Variants in ADGRB3 observed in about 807,000 individuals in gnomAD.
ADGRB3 encodes brain-specific angiogenesis inhibitor 3.
Under a neutral mutation model 193.4 loss-of-function variants are expected in ADGRB3, and 37 were observed. The ratio of observed to expected loss-of-function variants is 0.19; its 90% CI spans 0.15 to 0.25. The LOEUF (loss-of-function observed/expected upper bound fraction) is 0.25. ADGRB3 is among the 10% of genes least tolerant of loss of function. The pLI is 1.00. For missense variants in ADGRB3, 1,637 were observed against 1,852.9 expected, an observed-to-expected ratio of 0.88 and a Z score of 2.14; for synonymous variants, 690 against 644.2, an observed-to-expected ratio of 1.07 and a Z score of -1.08.
At chr6:69,358,426 A>G (rs1769378654) in intron 28 of ADGRB3, among the ~76,000 whole-genome samples, 1 of 151,680 alleles carries the variant, frequency 6.6e-6, no homozygotes, top group Non-Finnish European at 1.5e-5. Context: ...TAAATTACAG[A>G]TTTTTCCCGG....
At chr6:69,311,720 G>A (rs753202381) in intron 20 of ADGRB3, among the ~76,000 whole-genome samples, 1 of 151,444 alleles carries the variant, frequency 6.6e-6, no homozygotes, top group Non-Finnish European at 1.5e-5. Flanking sequence ...AATCAAGAGG[G>A]GACCCTTCTT....
At chr6:69,159,879 A>G (rs1186749702) in intron 17 of ADGRB3, among the ~76,000 whole-genome samples, 2 of 152,134 alleles carry the variant, frequency 1.3e-5, no homozygotes, top group African/African-American at 4.8e-5. Flanking sequence ...TATAATGCAC[A>G]CATTCTTTCC....
chr6:68,720,393 T>G (rs915421677), intron 3 of ADGRB3, among the ~76,000 whole-genome samples: 1 of 151,768 alleles, frequency 6.6e-6, no homozygotes, highest in African/African-American at 2.4e-5. Flanking sequence ...AATTGTATTT[T>G]TTTCTTATGA....
chr6:69,222,861 A>G (rs1178933655), intron 17 of ADGRB3, among the ~76,000 whole-genome samples: 1 of 152,162 alleles, frequency 6.6e-6, no homozygotes, highest in Non-Finnish European at 1.5e-5. Flanking sequence ...AATGAGTGAT[A>G]TTGGGATTGT....
At chr6:68,728,018 T>A (rs1314181029) in intron 3 of ADGRB3, among the ~76,000 whole-genome samples, 1 of 151,574 alleles carries the variant, frequency 6.6e-6, no homozygotes, top group African/African-American at 2.4e-5. Context: ...TTTTATTTTA[T>A]CTAGGCATTT....
At chr6:68,783,901 C>A (rs1451107801) in intron 3 of ADGRB3, among the ~76,000 whole-genome samples, 2 of 151,928 alleles carry the variant, frequency 1.3e-5, no homozygotes, top group Non-Finnish European at 2.9e-5. Flanking sequence ...TAAATGTTAC[C>A]TTCGTGTAGT....
intron 17 of ADGRB3, among the ~76,000 whole-genome samples, chr6:69,088,237 A>T (rs538662275): frequency 1.3e-5 from 2 of 152,228 alleles, no homozygotes; most frequent in South Asian, 4.1e-4. Flanking sequence ...CCTTGTCTTT[A>T]TTGACACATA....
chr6:68,943,842 G>A lies in ADGRB3; in HGVS notation c.1043G>A (p.Trp348Ter). ...NTALCPVHGV[W>*]EEWSPWSLCS... ...TGCTTTATTACAGTACACGGAGTAT[G>A]GGAGGAATGGTCACCATGGAGTTTA... Residue 348 changes from tryptophan to a stop codon, truncating the protein, a stop_gained, in exon 6 of 32, where the codon TGG becomes TAG. Coordinates refer to ENST00000370598, the MANE Select transcript of ADGRB3 (RefSeq NM_001704.3). LOFTEE classifies it high-confidence loss of function. 6.2e-7 allele frequency: 1 copy of A among 1,612,972 alleles called. No individual in the cohort carries two copies. Among genetic ancestry groups the A allele is most frequent in the Non-Finnish European group, 8.5e-7 (1 of 1,179,232 alleles).
intron 17 of ADGRB3, among the ~76,000 whole-genome samples, chr6:69,092,866 A>T (rs1582454732): frequency 6.6e-6 from 1 of 152,278 alleles, no homozygotes; most frequent in East Asian, 1.9e-4. Flanking sequence ...GAGTTTGTGT[A>T]ATGGTACAGA....
intron 15 of ADGRB3, among the ~76,000 whole-genome samples, chr6:69,060,757 C>T (rs189288714): frequency 6.6e-6 from 1 of 152,132 alleles, no homozygotes; most frequent in Non-Finnish European, 1.5e-5. Flanking sequence ...GAACTTACAT[C>T]TGTCTGTTCA....
At chr6:68,844,473 A>G (rs1183964335) in intron 3 of ADGRB3, among the ~76,000 whole-genome samples, 14 of 152,186 alleles carry the variant, frequency 9.2e-5, no homozygotes, top group Non-Finnish European at 2.1e-4. Flanking sequence ...AATGGCTTTT[A>G]TCTAAAAGAC....
chr6:68,743,352 T>G (rs565975886), intron 3 of ADGRB3, among the ~76,000 whole-genome samples: 580 of 82,116 alleles, frequency 7.1e-3, no homozygotes, highest in Non-Finnish European at 0.013. Flanking sequence ...TTTTTTTTTT[T>G]GTGTGTGTGT....
At chr6:69,338,181 A>G (rs1768892143) in intron 24 of ADGRB3, among the ~76,000 whole-genome samples, 1 of 152,194 alleles carries the variant, frequency 6.6e-6, no homozygotes, top group South Asian at 2.1e-4. Context: ...AATCCTCTAG[A>G]CAAGAATAGA....
chr6:69,301,382 C>T (rs1347940246), intron 20 of ADGRB3, among the ~76,000 whole-genome samples: 2 of 151,794 alleles, frequency 1.3e-5, no homozygotes, highest in African/African-American at 4.8e-5. Flanking sequence ...ATTGCATAGC[C>T]ACCTCCTGTT....
At chr6:68,986,127 G>C (rs1393697273) in intron 10 of ADGRB3, among the ~76,000 whole-genome samples, 1 of 152,176 alleles carries the variant, frequency 6.6e-6, no homozygotes, top group South Asian at 2.1e-4. Context: ...AATTTACTAT[G>C]CTCTCATTCT....
chr6:68,893,684 T>G (rs184601940), intron 3 of ADGRB3, among the ~76,000 whole-genome samples: 5 of 152,082 alleles, frequency 3.3e-5, no homozygotes, highest in African/African-American at 1.2e-4. Flanking sequence ...GCGAGCATAT[T>G]TTAACCTCAA....
intron 17 of ADGRB3, among the ~76,000 whole-genome samples, chr6:69,129,542 T>C (rs1382185599): frequency 2.6e-5 from 4 of 152,172 alleles, no homozygotes; most frequent in African/African-American, 4.8e-5. Flanking sequence ...TAAGAAAACA[T>C]TGACTTTCTT....
intron 3 of ADGRB3, among the ~76,000 whole-genome samples, chr6:68,733,432 C>G (rs1293832908): frequency 6.6e-6 from 1 of 151,444 alleles, no homozygotes; most frequent in African/African-American, 2.4e-5. Flanking sequence ...ACAGTGTGAG[C>G]TAAACAATGG....
intron 20 of ADGRB3, among the ~76,000 whole-genome samples, chr6:69,295,997 G>A (rs1415205046): frequency 6.6e-6 from 1 of 152,080 alleles, no homozygotes; most frequent in African/African-American, 2.4e-5. Context: ...TCTACTTGGT[G>A]GACTAGTAAC....
Sources: gnomAD v4.1 joint callset for allele counts (sites outside exome capture counted in the v4.1 genomes callset) on GRCh38, gnomAD v4.1.1 for gene constraint, MANE v1.5 for transcripts, NCBI Gene and HGNC (gene_info 2026-07-23, HGNC 2026-07-21) for gene names.